MINDY2: variants seen among roughly 807,000 people sequenced by gnomAD.
MINDY2 encodes MINDY lysine 48 deubiquitinase 2, also known as ubiquitin carboxyl-terminal hydrolase MINDY-2.
In MINDY2, 52 loss-of-function variants were observed where a neutral mutation model predicts 68.2. The observed-to-expected ratio is 0.76, with a 90% CI of 0.61 to 0.96. The LOEUF (loss-of-function observed/expected upper bound fraction) is 0.96, where lower values mean the gene tolerates loss of function less well. Among genes scored for constraint, MINDY2 ranks in the 40% least tolerant of loss-of-function variants. The pLI is 0.00. For missense variants in MINDY2, 881 were observed against 773.4 expected, an observed-to-expected ratio of 1.14 and a Z score of -1.65; for synonymous variants, 372 against 303.0, an observed-to-expected ratio of 1.23 and a Z score of -2.36.
At chr15:58,832,186 A>AG in intron 6 of MINDY2, among the ~76,000 whole-genome samples, 1 of 151,928 alleles carries the variant, frequency 6.6e-6, no homozygotes, top group East Asian at 1.9e-4. Flanking sequence ...TCTTTCTGAG[A>AG]GAAAAAAAAG....
intron 6 of MINDY2, among the ~76,000 whole-genome samples, chr15:58,839,322 T>TTTTTTTTGTTTG (rs1555434706): frequency 1.3e-5 from 2 of 148,648 alleles, no homozygotes; most frequent in East Asian, 3.9e-4. Flanking sequence ...TAGACTGTTT[T>TTTTTTTTGTTTG]TTTGTTTGTT....
intron 2 of MINDY2, among the ~76,000 whole-genome samples, chr15:58,793,367 C>T (rs1274604434): frequency 6.6e-6 from 1 of 152,128 alleles, no homozygotes; most frequent in Non-Finnish European, 1.5e-5. Context: ...AGGAGAATCG[C>T]TTGAACCCAG....
intron 4 of MINDY2, among the ~76,000 whole-genome samples, chr15:58,816,245 C>G (rs2030679730): frequency 6.6e-6 from 1 of 152,086 alleles, no homozygotes; most frequent in South Asian, 2.1e-4. Context: ...TTACTATAAG[C>G]AAGGCAACTC....
In MINDY2 at chr15:58,810,396, G is replaced by A. The variant is rs758864141; in HGVS notation, c.1122+8G>A. ...TGGTTAGTAGACCCTCAGGTAAGTC[G>A]AAGAATTTAAATTATGTAAACACAA... is the stretch of plus-strand genomic sequence containing the variant. On this transcript the variant is annotated splice_region_variant and intron_variant, in intron 4 of 8. Transcript: ENST00000559228. 25 of 1,545,682 alleles carry A rather than the reference G, an allele frequency of 1.6e-5. No homozygotes were observed. Among genetic ancestry groups the A allele is most frequent in the Admixed American group, 1.5e-4 (7 of 47,698 alleles).
Position 58,771,550 on chromosome 15 carries a change from A to G in MINDY2, c.155A>G (p.Asn52Ser), listed in dbSNP as rs745335327. 1.1e-5 allele frequency: 17 copies of G among 1,610,894 alleles called. No homozygotes were observed. The Admixed American group carries it at 2.8e-4, about 27-fold the overall frequency. The change falls in exon 1 of 9, where the codon AAT (asparagine) becomes AGT (serine). Residue 52 changes from asparagine to serine, a missense_variant. Asn to Ser is a conservative substitution (Grantham distance 46, BLOSUM62 1). Transcript: ENST00000559228. ...TGGGCGGCGGAGACCAGCGGCGGGAATGGGCTGGGGGCGGCGGCCGCCAGG... is the reference window on the plus strand; with the variant it reads ...TGGGCGGCGGAGACCAGCGGCGGGAGTGGGCTGGGGGCGGCGGCCGCCAGG... ...GVWAAETSGGNGLGAAAARRS... is the reference protein window; with the variant it reads ...GVWAAETSGGSGLGAAAARRS...
At chr15:58,776,362 CAG>C (rs561109955) in intron 1 of MINDY2, among the ~76,000 whole-genome samples, 23 of 152,002 alleles carry the variant, frequency 1.5e-4, no homozygotes, top group African/African-American at 5.5e-4. Context: ...AGAGAGAAAA[CAG>C]AGGAATAAAG....
intron 3 of MINDY2, among the ~76,000 whole-genome samples, chr15:58,804,527 A>C (rs1183358212): frequency 6.6e-6 from 1 of 151,758 alleles, no homozygotes; most frequent in South Asian, 2.1e-4. Flanking sequence ...GTTTGCAAGC[A>C]CCAGGCGTGG....
intron 1 of MINDY2, among the ~76,000 whole-genome samples, chr15:58,779,563 G>C (rs1311456273): frequency 6.6e-6 from 1 of 152,172 alleles, no homozygotes; most frequent in Non-Finnish European, 1.5e-5. Flanking sequence ...TATAAAAAAG[G>C]AAAAACAGAT....
intron 3 of MINDY2, among the ~76,000 whole-genome samples, chr15:58,808,338 G>A (rs528617938): frequency 6.6e-6 from 1 of 152,174 alleles, no homozygotes; most frequent in South Asian, 2.1e-4. Flanking sequence ...TAGTTTCACT[G>A]TCCTAAAAGT....
At chr15:58,778,271 A>C (rs1331354597) in intron 1 of MINDY2, among the ~76,000 whole-genome samples, 1 of 152,210 alleles carries the variant, frequency 6.6e-6, no homozygotes, top group Non-Finnish European at 1.5e-5. Context: ...AGAAAAATGA[A>C]TGCACTAATT....
In MINDY2 at chr15:58,861,591, A is replaced by G. The variant is rs560625990; in HGVS notation, c.*6981A>G. 3 of 152,350 alleles carry G rather than the reference A, an allele frequency of 2.0e-5. No homozygotes were observed. Among genetic ancestry groups the G allele is most frequent in the Non-Finnish European group, 4.4e-5 (3 of 68,028 alleles). The allele number at this position is 152,350 out of a possible 1,614,324, so 9.4% of individuals were successfully genotyped here. A position where few individuals can be genotyped will look rare whatever the true frequency, so the allele number is the denominator to read the frequency against. On this transcript the variant is annotated 3_prime_UTR_variant, in exon 9 of 9. Transcript: ENST00000559228. ...TCTGTGAAATAAATTTGTTTTAAAT[A>G]CTAATTATTTTAAAACTACTTAATT...
At chr15:58,830,224 TGA>T (rs2031640042) in intron 5 of MINDY2, among the ~76,000 whole-genome samples, 1 of 152,156 alleles carries the variant, frequency 6.6e-6, no homozygotes. Context: ...TAAATATGAG[TGA>T]GTTTTTAAGG....
At chr15:58,804,068 G>A (rs1268205643) in intron 3 of MINDY2, among the ~76,000 whole-genome samples, 7 of 151,760 alleles carry the variant, frequency 4.6e-5, no homozygotes, top group South Asian at 2.1e-4. Flanking sequence ...GGCAGAGCTT[G>A]GAGTGAGCCG....
chr15:58,798,937 C>G (rs1902460788), intron 2 of MINDY2, among the ~76,000 whole-genome samples: 1 of 152,064 alleles, frequency 6.6e-6, no homozygotes, highest in Non-Finnish European at 1.5e-5. Flanking sequence ...TCTTAGCTAG[C>G]AAAGCCCTGA....
intron 2 of MINDY2, chr15:58,796,247 A>C (rs1328057573): frequency 2.5e-6 from 1 of 401,182 alleles, no homozygotes; most frequent in East Asian, 7.3e-5. Context: ...ATGCTGTTGT[A>C]AAGAATAGGA....
At chr15:58,831,058 T>TATA (rs2031702223) in intron 5 of MINDY2, among the ~76,000 whole-genome samples, 1 of 149,824 alleles carries the variant, frequency 6.7e-6, no homozygotes, top group Non-Finnish European at 1.5e-5. Context: ...TATATATATA[T>TATA]ATGTTTTAAA....
intron 2 of MINDY2, among the ~76,000 whole-genome samples, chr15:58,794,977 G>T (rs1191140357): frequency 6.6e-6 from 1 of 150,992 alleles, no homozygotes; most frequent in African/African-American, 2.4e-5. Context: ...CACGAGGTCA[G>T]GAGATCGAGA....
At chr15:58,836,782 C>A (rs1021177594) in intron 6 of MINDY2, among the ~76,000 whole-genome samples, 1 of 151,978 alleles carries the variant, frequency 6.6e-6, no homozygotes, top group East Asian at 1.9e-4. Context: ...TCACACCTGG[C>A]CAATTTAAAA....
At chr15:58,799,432 T>G (rs567876) in intron 2 of MINDY2, among the ~76,000 whole-genome samples, 2,547 of 152,016 alleles carry the variant, frequency 0.017, 63 homozygotes, top group African/African-American at 0.052. Context: ...CCAGGCGTGG[T>G]GGCGGGTGCC....
Sources: gnomAD v4.1 joint callset for allele counts (sites outside exome capture counted in the v4.1 genomes callset) on GRCh38, gnomAD v4.1.1 for gene constraint, MANE v1.5 for transcripts, NCBI Gene and HGNC (gene_info 2026-07-23, HGNC 2026-07-21) for gene names.